The following SLC24A2 variants were observed in gnomAD, a reference collection of about 807,000 sequenced individuals.
SLC24A2 encodes sodium/potassium/calcium exchanger 2.
SLC24A2 carries 36 observed loss-of-function variants against 62.0 expected under a neutral mutation model. That is an observed-to-expected ratio of 0.58 (90% CI 0.44 to 0.77). The LOEUF (loss-of-function observed/expected upper bound fraction) is 0.77. Ranked by LOEUF, SLC24A2 falls within the 30% of genes least tolerant of loss-of-function variation. The pLI, the probability that SLC24A2 is intolerant of heterozygous loss-of-function variation, is 0.00. For missense variants in SLC24A2, 846 were observed against 817.9 expected (o/e 1.03, Z -0.42); for synonymous variants, 358 against 294.0 (o/e 1.22, Z -2.23).
the SLC24A2 span, among the ~76,000 whole-genome samples, chr9:19,833,124 C>T: frequency 6.6e-6 from 1 of 152,150 alleles, no homozygotes; most frequent in Non-Finnish European, 1.5e-5. Context: ...ATAGGAACAG[C>T]TCCAGTCTAC....
the SLC24A2 span, among the ~76,000 whole-genome samples, chr9:20,216,603 C>G: frequency 6.6e-6 from 1 of 152,088 alleles, no homozygotes; most frequent in African/African-American, 2.4e-5. Context: ...TTCTGACCCT[C>G]TTTTATTATC....
At chr9:19,534,820 T>C (rs1014061652) in intron 8 of SLC24A2, among the ~76,000 whole-genome samples, 1 of 152,166 alleles carries the variant, frequency 6.6e-6, no homozygotes, top group African/African-American at 2.4e-5. Flanking sequence ...AATAAACATA[T>C]GTGTACATGT....
chr9:19,761,089 G>A (rs544311687), intron 2 of SLC24A2, among the ~76,000 whole-genome samples: 1 of 151,914 alleles, frequency 6.6e-6, no homozygotes, highest in Non-Finnish European at 1.5e-5. Context: ...TTAAAAAAAT[G>A]TTTGCTATTG....
At chr9:19,992,298 C>A in the SLC24A2 span, among the ~76,000 whole-genome samples, 1 of 152,142 alleles carries the variant, frequency 6.6e-6, no homozygotes, top group African/African-American at 2.4e-5. Flanking sequence ...TTATTTTCTT[C>A]AGCAGCAGAT....
At chr9:20,029,826 GTGTGTGTGTA>G in the SLC24A2 span, among the ~76,000 whole-genome samples, 2 of 152,100 alleles carry the variant, frequency 1.3e-5, no homozygotes, top group African/African-American at 4.8e-5. Flanking sequence ...GTGTGTGTCT[GTGTGTGTGTA>G]TGTGTGTGTA....
chr9:19,711,605 G>T (rs1820716885), intron 2 of SLC24A2, among the ~76,000 whole-genome samples: 1 of 152,160 alleles, frequency 6.6e-6, no homozygotes, highest in Admixed American at 6.6e-5. Context: ...ATAATGCCTA[G>T]GATTTCATTT....
intron 4 of SLC24A2, among the ~76,000 whole-genome samples, chr9:19,598,946 A>T (rs2132904777): frequency 6.6e-6 from 1 of 152,348 alleles, no homozygotes; most frequent in Non-Finnish European, 1.5e-5. Flanking sequence ...AGCAGCTGGC[A>T]TTCTCTACCA....
chr9:20,218,774 C>A, the SLC24A2 span, among the ~76,000 whole-genome samples: 1 of 152,228 alleles, frequency 6.6e-6, no homozygotes, highest in Non-Finnish European at 1.5e-5. Context: ...TTAGCAGCTT[C>A]AATCACACAT....
chr9:20,164,611 T>G, the SLC24A2 span, among the ~76,000 whole-genome samples: 27 of 151,428 alleles, frequency 1.8e-4, no homozygotes, highest in Non-Finnish European at 3.7e-4. Flanking sequence ...AAATACCATT[T>G]GACCCAGCCA....
chr9:19,755,632 T>C lies in SLC24A2; in HGVS notation c.930+30305A>G, dbSNP rs143489784. On this transcript the variant is annotated intron_variant, in intron 2 of 10. Transcript: ENST00000341998. ...AAATCTTGGCTGGGCAAATGCTCCA[T>C]TTTCCTCAGTAAGGTCATCCCTGCT... Among the ~76,000 whole-genome samples the C allele has an allele frequency of 9.9e-5, 15 of 152,264 alleles. No homozygotes were observed. In the East Asian group the frequency reaches 2.7e-3, roughly 28 times the overall value.
chr9:20,078,210 T>C, the SLC24A2 span, among the ~76,000 whole-genome samples: 2 of 152,172 alleles, frequency 1.3e-5, no homozygotes, highest in Non-Finnish European at 2.9e-5. Flanking sequence ...CACTCCATAG[T>C]TGCTGTAGGA....
intron 2 of SLC24A2, among the ~76,000 whole-genome samples, chr9:19,656,869 G>C (rs926800002): frequency 1.3e-5 from 2 of 152,132 alleles, no homozygotes; most frequent in Admixed American, 6.6e-5. Context: ...CACCTGCCAG[G>C]TGGAGCTGAA....
intron 7 of SLC24A2, among the ~76,000 whole-genome samples, chr9:19,562,570 G>A (rs1408986700): frequency 6.6e-6 from 1 of 151,962 alleles, no homozygotes; most frequent in African/African-American, 2.4e-5. Context: ...TTAAGCAGTT[G>A]GTAAATATTT....
the SLC24A2 span, among the ~76,000 whole-genome samples, chr9:19,985,411 G>A: frequency 2.2e-4 from 34 of 152,170 alleles, no homozygotes; most frequent in Non-Finnish European, 4.4e-4. Flanking sequence ...GAAATAAAAA[G>A]AAATGAATTA....
the SLC24A2 span, among the ~76,000 whole-genome samples, chr9:20,051,561 T>C: frequency 6.6e-6 from 1 of 151,808 alleles, no homozygotes; most frequent in South Asian, 2.1e-4. Context: ...AAGCATACAT[T>C]GAAATTTACT....
intron 7 of SLC24A2, among the ~76,000 whole-genome samples, chr9:19,561,337 C>T (rs557359351): frequency 1.1e-4 from 16 of 149,984 alleles, no homozygotes; most frequent in African/African-American, 2.5e-4. Flanking sequence ...GGTAAGTTTA[C>T]GTGTTTCTTA....
At chr9:19,682,431 G>C (rs1000724429) in intron 2 of SLC24A2, among the ~76,000 whole-genome samples, 1 of 152,080 alleles carries the variant, frequency 6.6e-6, no homozygotes. Flanking sequence ...GCCAGCAATA[G>C]CAACCCTCAC....
intron 6 of SLC24A2, among the ~76,000 whole-genome samples, chr9:19,574,505 T>A (rs1437083203): frequency 6.6e-6 from 1 of 152,156 alleles, no homozygotes; most frequent in Non-Finnish European, 1.5e-5. Flanking sequence ...TCTGTAAAAC[T>A]GGGGTGATGG....
chr9:19,720,073 A>G (rs1179398796), intron 2 of SLC24A2, among the ~76,000 whole-genome samples: 3 of 152,208 alleles, frequency 2.0e-5, no homozygotes, highest in African/African-American at 2.4e-5. Context: ...GTAAACCGGA[A>G]AGGCTATGTT....
Sources: gnomAD v4.1 joint callset for allele counts (sites outside exome capture counted in the v4.1 genomes callset) on GRCh38, gnomAD v4.1.1 for gene constraint, MANE v1.5 for transcripts, NCBI Gene and HGNC (gene_info 2026-07-23, HGNC 2026-07-21) for gene names.